CACNA2D3: variants seen among roughly 807,000 people sequenced by gnomAD.
The protein encoded by CACNA2D3 is voltage-dependent calcium channel subunit alpha-2/delta-3.
A neutral mutation model predicts 160.6 loss-of-function variants in CACNA2D3; 60 were observed. The ratio of observed to expected loss-of-function variants is 0.37; its 90% CI spans 0.30 to 0.46. The LOEUF (loss-of-function observed/expected upper bound fraction) is 0.46. CACNA2D3 is among the 20% of genes least tolerant of loss of function. CACNA2D3 has a pLI of 1.00. For missense variants in CACNA2D3, 1,205 were observed against 1,365.0 expected (o/e 0.88, Z 1.85); for synonymous variants, 558 against 492.9 (o/e 1.13, Z -1.75).
At chr3:54,807,266 C>T (rs1054194084) in intron 13 of CACNA2D3, among the ~76,000 whole-genome samples, 4 of 152,106 alleles carry the variant, frequency 2.6e-5, no homozygotes, top group Admixed American at 2.6e-4. Context: ...AGTGAACAGG[C>T]GACCTACAAA....
intron 9 of CACNA2D3, among the ~76,000 whole-genome samples, chr3:54,591,394 T>C (rs1472197809): frequency 6.6e-6 from 1 of 152,098 alleles, no homozygotes; most frequent in Admixed American, 6.5e-5. Context: ...TTCAGGTGCC[T>C]ATACCTGTGG....
At chr3:54,293,717 T>G (rs902549978) in intron 2 of CACNA2D3, among the ~76,000 whole-genome samples, 1 of 152,144 alleles carries the variant, frequency 6.6e-6, no homozygotes, top group Non-Finnish European at 1.5e-5. Flanking sequence ...CACATTTATT[T>G]TTATTTATAT....
At chr3:54,488,799 C>G (rs893359426) in intron 4 of CACNA2D3, among the ~76,000 whole-genome samples, 1 of 152,098 alleles carries the variant, frequency 6.6e-6, no homozygotes. Flanking sequence ...AGCAGAGGCC[C>G]TATCAACTGA....
Position 54,940,930 on chromosome 3 carries a change from C to T in CACNA2D3, c.2450-27520C>T, listed in dbSNP as rs145638472. Among the ~76,000 whole-genome samples the T allele has an allele frequency of 2.7e-3, 413 of 152,180 alleles. 1 individual carries two copies. Among genetic ancestry groups the T allele is most frequent in the African/African-American group, 9.4e-3 (389 of 41,512 alleles). ...AATAAATGGATATAGCCATAAATGC[C>T]GATCCTCTTAACAAGACTAACTTTG... On this transcript the variant is annotated intron_variant, in intron 27 of 37. Transcript: ENST00000474759.
chr3:54,203,836 T>G (rs1461380162), intron 2 of CACNA2D3, among the ~76,000 whole-genome samples: 2 of 151,950 alleles, frequency 1.3e-5, no homozygotes, highest in Non-Finnish European at 2.9e-5. Context: ...GCTGCCTGCG[T>G]GTCTGCTTGC....
intron 4 of CACNA2D3, among the ~76,000 whole-genome samples, chr3:54,471,820 G>A (rs1366530791): frequency 6.6e-6 from 1 of 151,958 alleles, no homozygotes; most frequent in Non-Finnish European, 1.5e-5. Flanking sequence ...ATAAACTCCT[G>A]GACACATACA....
chr3:54,414,025 T>C (rs1699715234), intron 4 of CACNA2D3, among the ~76,000 whole-genome samples: 1 of 151,836 alleles, frequency 6.6e-6, no homozygotes, highest in South Asian at 2.1e-4. Flanking sequence ...TTCATCCATG[T>C]AATGTAAGTT....
At chr3:55,049,446 G>C (rs1427258020) in intron 35 of CACNA2D3, among the ~76,000 whole-genome samples, 3 of 129,366 alleles carry the variant, frequency 2.3e-5, no homozygotes, top group Non-Finnish European at 4.7e-5. Context: ...GTTCTAGTTT[G>C]ATTGCACTGT....
intron 8 of CACNA2D3, among the ~76,000 whole-genome samples, chr3:54,575,064 T>C (rs1702559457): frequency 6.6e-6 from 1 of 152,234 alleles, no homozygotes; most frequent in Non-Finnish European, 1.5e-5. Flanking sequence ...TGTGTCCAGT[T>C]GTGTTTCAAA....
chr3:54,297,675 C>G (rs1703372219), intron 2 of CACNA2D3, among the ~76,000 whole-genome samples: 1 of 142,030 alleles, frequency 7.0e-6, no homozygotes, highest in Non-Finnish European at 1.5e-5. Flanking sequence ...AATCAGGGTG[C>G]TTTGTGTTTT....
chr3:54,269,804 G>T (rs562413831), intron 2 of CACNA2D3, among the ~76,000 whole-genome samples: 1 of 152,306 alleles, frequency 6.6e-6, no homozygotes, highest in South Asian at 2.1e-4. Context: ...GAAATCACTT[G>T]TTTTTTGTTG....
At chr3:54,891,004 C>G (rs1289463467) in intron 24 of CACNA2D3, among the ~76,000 whole-genome samples, 1 of 152,172 alleles carries the variant, frequency 6.6e-6, no homozygotes, top group Non-Finnish European at 1.5e-5. Flanking sequence ...GCTAGTCCTT[C>G]CCATTCTTAG....
chr3:54,256,464 C>G (rs929113292), intron 2 of CACNA2D3, among the ~76,000 whole-genome samples: 1 of 152,128 alleles, frequency 6.6e-6, no homozygotes, highest in African/African-American at 2.4e-5. Context: ...TCTTCTCATG[C>G]CGTATAGGGG....
chr3:54,263,311 C>T (rs899157862), intron 2 of CACNA2D3, among the ~76,000 whole-genome samples: 3 of 152,084 alleles, frequency 2.0e-5, no homozygotes, highest in Non-Finnish European at 4.4e-5. Context: ...AATTAATAGT[C>T]AGAAATAGTA....
chr3:54,486,833 TG>T (rs1358194241), intron 4 of CACNA2D3, among the ~76,000 whole-genome samples: 4 of 152,044 alleles, frequency 2.6e-5, no homozygotes, highest in Non-Finnish European at 5.9e-5. Flanking sequence ...TAGCCCCTCT[TG>T]TAGTGGAGAA....
intron 2 of CACNA2D3, among the ~76,000 whole-genome samples, chr3:54,129,103 A>AT (rs11391890): frequency 0.39 from 59,410 of 151,836 alleles, 11,838 homozygotes; most frequent in East Asian, 0.6. Flanking sequence ...ATTTTTTGTG[A>AT]TTTTCCTAAA....
At chr3:54,733,329 T>C (rs1701427103) in intron 11 of CACNA2D3, among the ~76,000 whole-genome samples, 3 of 152,186 alleles carry the variant, frequency 2.0e-5, no homozygotes, top group Admixed American at 2.0e-4. Context: ...AGAGGGCAGC[T>C]GGAATGATTT....
chr3:54,455,702 T>A (rs1344131763), intron 4 of CACNA2D3, among the ~76,000 whole-genome samples: 2 of 152,188 alleles, frequency 1.3e-5, no homozygotes, highest in Non-Finnish European at 2.9e-5. Context: ...ATTTCATAAT[T>A]TCATTTTAAG....
At chr3:54,946,015 A>T (rs1427182501) in intron 27 of CACNA2D3, among the ~76,000 whole-genome samples, 4 of 152,218 alleles carry the variant, frequency 2.6e-5, no homozygotes, top group Non-Finnish European at 5.9e-5. Context: ...AACAGCAGGA[A>T]AACGAGTACC....
Sources: gnomAD v4.1 joint callset for allele counts (sites outside exome capture counted in the v4.1 genomes callset) on GRCh38, gnomAD v4.1.1 for gene constraint, MANE v1.5 for transcripts, NCBI Gene and HGNC (gene_info 2026-07-23, HGNC 2026-07-21) for gene names.